Variants in NRG1 observed in about 807,000 individuals in gnomAD.
The protein encoded by NRG1 is pro-neuregulin-1, membrane-bound isoform.
Under a neutral mutation model 63.8 loss-of-function variants are expected in NRG1, and 18 were observed. The observed-to-expected ratio is 0.28, with a 90% confidence interval of 0.19 to 0.42. The LOEUF (loss-of-function observed/expected upper bound fraction) is 0.42, where lower values mean the gene tolerates loss of function less well. Ranked by LOEUF, NRG1 falls within the 10% of genes least tolerant of loss-of-function variation. The pLI is 1.00. For missense variants in NRG1, 762 were observed against 814.7 expected (o/e 0.94, Z 0.79); for synonymous variants, 302 against 301.3 (o/e 1.00, Z -0.02).
At chr8:32,469,855 CT>C (rs1227713645) in intron 1 of NRG1, among the ~76,000 whole-genome samples, 1 of 151,948 alleles carries the variant, frequency 6.6e-6, no homozygotes, top group Non-Finnish European at 1.5e-5. Flanking sequence ...GGGAAAAGGA[CT>C]TTTTTGTTTG....
chr8:32,025,583 G>A (rs928389629), intron 1 of NRG1, among the ~76,000 whole-genome samples: 2 of 151,884 alleles, frequency 1.3e-5, no homozygotes, highest in Non-Finnish European at 2.9e-5. Context: ...AAGATCCAAA[G>A]TTAACTTGAA....
chr8:32,490,131 C>T (rs1311480461), intron 1 of NRG1, among the ~76,000 whole-genome samples: 7 of 152,076 alleles, frequency 4.6e-5, no homozygotes, highest in African/African-American at 1.2e-4. Context: ...TAGTGAGACC[C>T]CATCTCTATA....
intron 7 of NRG1, among the ~76,000 whole-genome samples, chr8:32,745,126 A>G (rs1827181690): frequency 6.6e-6 from 1 of 152,146 alleles, no homozygotes; most frequent in Non-Finnish European, 1.5e-5. Context: ...TATCTCTGCA[A>G]ACCCCTACAT....
At chr8:32,090,702 C>T (rs1829003167) in intron 1 of NRG1, among the ~76,000 whole-genome samples, 1 of 152,200 alleles carries the variant, frequency 6.6e-6, no homozygotes. Flanking sequence ...TTGAGTTCTT[C>T]TGAGCCAACT....
intron 5 of NRG1, among the ~76,000 whole-genome samples, chr8:32,695,332 C>A (rs914136948): frequency 6.6e-6 from 1 of 150,678 alleles, no homozygotes; most frequent in Non-Finnish European, 1.5e-5. Flanking sequence ...CAGAGTGAGA[C>A]CCTCTCTCAG....
intron 1 of NRG1, among the ~76,000 whole-genome samples, chr8:32,085,480 C>G (rs1828076036): frequency 6.6e-6 from 1 of 152,218 alleles, no homozygotes; most frequent in South Asian, 2.1e-4. Flanking sequence ...CAGCTCCTCT[C>G]TAACATGAAT....
chr8:32,225,718 A>G (rs2132524099), intron 1 of NRG1, among the ~76,000 whole-genome samples: 1 of 152,350 alleles, frequency 6.6e-6, no homozygotes, highest in East Asian at 1.9e-4. Context: ...GCAGCTAGAA[A>G]GTACCACAAT....
intron 1 of NRG1, among the ~76,000 whole-genome samples, chr8:32,249,226 C>A (rs1848862530): frequency 6.6e-6 from 1 of 152,028 alleles, no homozygotes; most frequent in Non-Finnish European, 1.5e-5. Flanking sequence ...TTGCAACTTC[C>A]ATAGTAGCTG....
At chr8:32,359,912 A>G (rs1451929145) in intron 1 of NRG1, among the ~76,000 whole-genome samples, 1 of 152,202 alleles carries the variant, frequency 6.6e-6, no homozygotes, top group Admixed American at 6.5e-5. Flanking sequence ...GTCCTTGTGC[A>G]ACAAGCACCA....
intron 1 of NRG1, among the ~76,000 whole-genome samples, chr8:32,345,922 C>T (rs1053500918): frequency 3.3e-5 from 5 of 152,032 alleles, no homozygotes; most frequent in Admixed American, 2.0e-4. Flanking sequence ...GCAGGAGAAT[C>T]ACTTCAGCCT....
rs188832863 is a variant in NRG1 at position 32,081,711 on chromosome 8, C to G, written c.37+442280C>G. 7.9e-5 allele frequency among the ~76,000 whole-genome samples: 12 copies of G among 152,110 alleles called. No homozygotes were observed. The East Asian group carries it at 1.5e-3, about 20-fold the overall frequency. On this transcript the variant is annotated intron_variant, in intron 1 of 10. Coordinates refer to the NRG1 transcript ENST00000519301. ...TATATTTACTAAAATCTTGGGAAAGCTAAGCTTATGATCAGGTGTAACCAG... is the reference window on the plus strand; with the variant it reads ...TATATTTACTAAAATCTTGGGAAAGGTAAGCTTATGATCAGGTGTAACCAG...
At chr8:31,799,929 G>A (rs1393587495) in intron 1 of NRG1, among the ~76,000 whole-genome samples, 1 of 152,080 alleles carries the variant, frequency 6.6e-6, no homozygotes, top group Admixed American at 6.5e-5. Flanking sequence ...TATTTGTAAA[G>A]TTCTTGCCTG....
At chr8:32,503,485 AAC>A (rs1440357504) in intron 1 of NRG1, among the ~76,000 whole-genome samples, 1 of 152,120 alleles carries the variant, frequency 6.6e-6, no homozygotes, top group African/African-American at 2.4e-5. Context: ...TGTACTATAA[AAC>A]AGTTATTGTT....
At chr8:32,433,183 A>G (rs1818368125) in intron 1 of NRG1, among the ~76,000 whole-genome samples, 2 of 152,138 alleles carry the variant, frequency 1.3e-5, no homozygotes, top group African/African-American at 4.8e-5. Flanking sequence ...TCTGTGTTTG[A>G]GAACTAGGCA....
chr8:32,763,876 T>C (rs1831148065), exon 12 of NRG1: 1 of 1,614,078 alleles, frequency 6.2e-7, no homozygotes, highest in Non-Finnish European at 8.5e-7. Context: ...ATGCCTTCCA[T>C]GGCGGTCAGC....
At chr8:31,904,225 G>A (rs1483217628) in intron 1 of NRG1, among the ~76,000 whole-genome samples, 8 of 152,084 alleles carry the variant, frequency 5.3e-5, no homozygotes, top group African/African-American at 1.9e-4. Flanking sequence ...CTGACCCTGG[G>A]AGTCAATCCA....
chr8:31,764,837 C>T (rs1480467881), intron 1 of NRG1, among the ~76,000 whole-genome samples: 1 of 151,198 alleles, frequency 6.6e-6, no homozygotes, highest in East Asian at 2.0e-4. Context: ...GCACTGCACC[C>T]ACTAACTCGT....
intron 1 of NRG1, among the ~76,000 whole-genome samples, chr8:31,803,250 T>C (rs1006231340): frequency 6.6e-6 from 1 of 152,218 alleles, no homozygotes; most frequent in African/African-American, 2.4e-5. Context: ...GCAGTTATAA[T>C]CTTTCCAGAG....
intron 1 of NRG1, among the ~76,000 whole-genome samples, chr8:32,414,293 T>G (rs1815547823): frequency 6.6e-6 from 1 of 152,174 alleles, no homozygotes; most frequent in Admixed American, 6.5e-5. Context: ...AAACACAAGA[T>G]GAGTCTGTTC....
Sources: allele counts gnomAD v4.1 joint callset (sites outside exome capture counted in the v4.1 genomes callset), GRCh38; gene constraint gnomAD v4.1.1; transcripts MANE v1.5; gene names NCBI Gene and HGNC (gene_info 2026-07-23, HGNC 2026-07-21).